RBFOX1: variants seen among roughly 807,000 people sequenced by gnomAD.
RBFOX1 encodes RNA binding fox-1 homolog 1.
A neutral mutation model predicts 57.7 loss-of-function variants in RBFOX1; 8 were observed. That is an observed-to-expected ratio of 0.14 (90% CI 0.08 to 0.25). RBFOX1 has a LOEUF of 0.25. Among genes scored for constraint, RBFOX1 ranks in the 10% least tolerant of loss-of-function variants. The pLI, the probability that RBFOX1 is intolerant of heterozygous loss-of-function variation, is 1.00. For missense variants in RBFOX1, 611 were observed against 548.5 expected (o/e 1.11, Z -1.14); for synonymous variants, 326 against 222.4 (o/e 1.47, Z -4.15).
At chr16:5,569,193 C>G (rs1029334020) in intron 2 of RBFOX1, among the ~76,000 whole-genome samples, 1 of 152,058 alleles carries the variant, frequency 6.6e-6, no homozygotes, top group African/African-American at 2.4e-5. Context: ...GGACACCTCT[C>G]TCCTAAAGTC....
chr16:6,424,620 C>CGTGCGTGTGTGTGT (rs1555466660), intron 2 of RBFOX1, among the ~76,000 whole-genome samples: 1,514 of 150,704 alleles, frequency 0.01, 31 homozygotes, highest in African/African-American at 0.033. Flanking sequence ...TGTGTGTGTG[C>CGTGCGTGTGTGTGT]GTGTGTGTGA....
intron 1 of RBFOX1, among the ~76,000 whole-genome samples, chr16:6,070,740 T>C (rs1192813061): frequency 6.6e-6 from 1 of 152,102 alleles, no homozygotes; most frequent in Non-Finnish European, 1.5e-5. Context: ...TTGCAATTCA[T>C]AATAAATGTA....
chr16:7,022,905 C>T (rs1037790989), intron 3 of RBFOX1, among the ~76,000 whole-genome samples: 2 of 152,176 alleles, frequency 1.3e-5, no homozygotes, highest in Admixed American at 6.5e-5. Context: ...CTAGGGCTTG[C>T]ACCCCATTGT....
At chr16:6,051,074 T>C (rs2095547282) in intron 1 of RBFOX1, among the ~76,000 whole-genome samples, 1 of 150,332 alleles carries the variant, frequency 6.7e-6, no homozygotes, top group African/African-American at 2.5e-5. Flanking sequence ...CCCGAGGAGA[T>C]CTGTTAGGTT....
chr16:6,780,510 A>T (rs542737117), intron 3 of RBFOX1, among the ~76,000 whole-genome samples: 2,374 of 112,336 alleles, frequency 0.021, 84 homozygotes, highest in African/African-American at 0.041. Context: ...TTATATATTT[A>T]TATATACATT....
chr16:5,446,621 C>T (rs568546887), intron 1 of RBFOX1, among the ~76,000 whole-genome samples: 3 of 151,950 alleles, frequency 2.0e-5, no homozygotes, highest in Non-Finnish European at 4.4e-5. Flanking sequence ...CTCTGAAGAC[C>T]CCTGTGGATT....
chr16:6,443,504 T>G (rs1427637615), intron 2 of RBFOX1, among the ~76,000 whole-genome samples: 1 of 152,148 alleles, frequency 6.6e-6, no homozygotes, highest in African/African-American at 2.4e-5. Context: ...AGGACCTTCC[T>G]GAAAATCTCT....
intron 5 of RBFOX1, among the ~76,000 whole-genome samples, chr16:7,555,420 C>T (rs1158665322): frequency 1.3e-5 from 2 of 152,104 alleles, no homozygotes; most frequent in African/African-American, 2.4e-5. Flanking sequence ...GATAAATGCA[C>T]GTAGTTGGGT....
chr16:6,735,481 A>G (rs550771556), intron 3 of RBFOX1, among the ~76,000 whole-genome samples: 39 of 152,320 alleles, frequency 2.6e-4, no homozygotes, highest in African/African-American at 9.1e-4. Flanking sequence ...TCTTCAGAGT[A>G]TACATATTTC....
At chr16:5,443,362 G>T (rs1426742669) in intron 1 of RBFOX1, among the ~76,000 whole-genome samples, 1 of 152,096 alleles carries the variant, frequency 6.6e-6, no homozygotes, top group Non-Finnish European at 1.5e-5. Context: ...GTTTTAGATG[G>T]AGTGTCACTC....
At chr16:6,954,543 G>T (rs1365869433) in intron 3 of RBFOX1, among the ~76,000 whole-genome samples, 1 of 152,138 alleles carries the variant, frequency 6.6e-6, no homozygotes, top group East Asian at 1.9e-4. Flanking sequence ...CATGCCAACT[G>T]TCCTCACCTG....
At chr16:7,394,555 T>A (rs2098110165) in intron 4 of RBFOX1, among the ~76,000 whole-genome samples, 1 of 152,132 alleles carries the variant, frequency 6.6e-6, no homozygotes, top group Non-Finnish European at 1.5e-5. Flanking sequence ...TTCTTGCGTT[T>A]CCATTTATCC....
At chr16:6,698,403 G>A (rs2061357547) in intron 3 of RBFOX1, among the ~76,000 whole-genome samples, 1 of 152,152 alleles carries the variant, frequency 6.6e-6, no homozygotes, top group Non-Finnish European at 1.5e-5. Context: ...ACAAAAACTA[G>A]AGATTCTTAA....
chr16:6,858,098 A>C (rs1603633100), intron 3 of RBFOX1, among the ~76,000 whole-genome samples: 1 of 152,306 alleles, frequency 6.6e-6, no homozygotes, highest in East Asian at 1.9e-4. Flanking sequence ...TCTAACTAGA[A>C]ATTGGAGTTA....
chr16:6,503,967 A>T (rs528044068), intron 2 of RBFOX1, among the ~76,000 whole-genome samples: 1 of 152,320 alleles, frequency 6.6e-6, no homozygotes, highest in Admixed American at 6.5e-5. Context: ...ACTTGAATTC[A>T]AGATACATGT....
chr16:7,452,336 T>G (rs1405878212), intron 4 of RBFOX1, among the ~76,000 whole-genome samples: 2 of 152,212 alleles, frequency 1.3e-5, no homozygotes, highest in African/African-American at 4.8e-5. Flanking sequence ...CGTTAGCGTG[T>G]AGGTGATGTG....
At chr16:5,519,168 T>A (rs1016538014) in intron 2 of RBFOX1, among the ~76,000 whole-genome samples, 1 of 152,330 alleles carries the variant, frequency 6.6e-6, no homozygotes, top group African/African-American at 2.4e-5. Flanking sequence ...TTCTGTTGTT[T>A]AAGCCACCCA....
chr16:7,353,450 G>T (rs2097162402), intron 4 of RBFOX1, among the ~76,000 whole-genome samples: 1 of 152,064 alleles, frequency 6.6e-6, no homozygotes, highest in South Asian at 2.1e-4. Context: ...CAGCAATTCT[G>T]CTCCTAGGTA....
intron 4 of RBFOX1, among the ~76,000 whole-genome samples, chr16:5,986,568 C>T (rs2060290537): frequency 1.3e-5 from 2 of 152,178 alleles, no homozygotes; most frequent in South Asian, 4.1e-4. Flanking sequence ...TCACGTGTTA[C>T]CACTGATTCG....
Sources: gnomAD v4.1 joint callset for allele counts (sites outside exome capture counted in the v4.1 genomes callset) on GRCh38, gnomAD v4.1.1 for gene constraint, MANE v1.5 for transcripts, NCBI Gene and HGNC (gene_info 2026-07-23, HGNC 2026-07-21) for gene names.